The following PARP16 variants were observed in gnomAD, a reference collection of about 807,000 sequenced individuals.
The protein encoded by PARP16 is poly(ADP-ribose) polymerase family member 16.
PARP16 carries 31 observed loss-of-function variants against 35.0 expected under a neutral mutation model. The observed-to-expected ratio is 0.88, with a 90% CI of 0.66 to 1.19. The LOEUF is 1.19. Ranked by LOEUF, PARP16 falls within the 50% of genes most tolerant of loss-of-function variation. PARP16 has a pLI of 0.00. For missense variants in PARP16, 424 were observed against 411.2 expected, an observed-to-expected ratio of 1.03 and a Z score of -0.27; for synonymous variants, 162 against 169.5, an observed-to-expected ratio of 0.96 and a Z score of 0.34.
At chr15:65,279,058 C>A (rs889996109) in intron 1 of PARP16, among the ~76,000 whole-genome samples, 5 of 152,164 alleles carry the variant, frequency 3.3e-5, no homozygotes, top group Non-Finnish European at 7.3e-5. Context: ...CAAAAGAACT[C>A]TTCACAGGAG....
chr15:65,243,078 A>C (rs1242687323), intron 3 of PARP16, among the ~76,000 whole-genome samples: 1 of 152,160 alleles, frequency 6.6e-6, no homozygotes, highest in Non-Finnish European at 1.5e-5. Context: ...GTCATTTATA[A>C]ATAAAGACAG....
At chr15:65,285,747 A>G (rs1331799304) in intron 1 of PARP16, among the ~76,000 whole-genome samples, 1 of 152,198 alleles carries the variant, frequency 6.6e-6, no homozygotes, top group African/African-American at 2.4e-5. Flanking sequence ...TGAACTCTGC[A>G]AAAAAAGTGC....
At position 65,266,748 on chromosome 15, in the gene PARP16, C is replaced by A. The variant is rs748708106; in HGVS notation, c.333G>T (p.Leu111=). The change falls in exon 3 of 6, where the codon CTG becomes CTT. Residue 111 remains leucine (L), a synonymous_variant. Transcript: ENST00000649807. ...GAACAGGCGTGTGAGGAGCCCCAGT[C>A]AGCTTTTGGATCTTTTCAAACTTGA... is the stretch of plus-strand genomic sequence containing the variant. ...GKAEFEKIQK[L]TGAPHTPVPA... is the part of the protein sequence containing the mutation. 2.5e-6 allele frequency: 4 copies of A among 1,613,790 alleles called. No homozygotes were observed. The South Asian group carries it at 4.4e-5, about 18-fold the overall frequency.
rs560953076 is a variant in PARP16, at chr15:65,259,220, C to T, written c.*187G>A. The T allele has an allele frequency of 9.5e-5, 61 of 645,362 alleles. No homozygotes were observed. The highest frequency in any genetic ancestry group is 7.6e-4 in the African/African-American group (42 of 55,552). The allele number at this position is 645,362 out of a possible 1,614,324, so 40.0% of individuals were successfully genotyped here. A position where few individuals can be genotyped will look rare whatever the true frequency, so the allele number is the denominator to read the frequency against. ...CTAAGAGTGAGGGACTAGTAGTCCC[C>T]GTTGACTGGAGTATGGCTGGGAACA... is the stretch of plus-strand genomic sequence containing the variant. On this transcript the variant is annotated 3_prime_UTR_variant, in exon 6 of 6. Coordinates refer to ENST00000649807, the MANE Select transcript of PARP16 (RefSeq NM_001316943.2).
chr15:65,262,978 C>A (rs1197021725), intron 4 of PARP16, among the ~76,000 whole-genome samples, 171 bp downstream of exon 4: 1 of 152,124 alleles, frequency 6.6e-6, no homozygotes, highest in Non-Finnish European at 1.5e-5. Flanking sequence ...ATTGAGTGTT[C>A]AATCTCTAAG....
At chr15:65,266,859 A>G (rs1305221874) in intron 2 of PARP16, 91 bp from the exon 3 acceptor site, 2 of 874,290 alleles carry the variant, frequency 2.3e-6, no homozygotes, top group Non-Finnish European at 3.7e-6. Context: ...CTTAACTCCC[A>G]TGGACTCTGC....
intron 4 of PARP16, among the ~76,000 whole-genome samples, chr15:65,262,721 T>A (rs763013448): frequency 6.6e-6 from 1 of 152,134 alleles, no homozygotes. Flanking sequence ...ATCAAGTACA[T>A]ACCAAGGCTT....
At chr15:65,275,245 G>T (rs1382760553) in intron 1 of PARP16, among the ~76,000 whole-genome samples, 1 of 152,158 alleles carries the variant, frequency 6.6e-6, no homozygotes, top group African/African-American at 2.4e-5. Context: ...CACAGAGGAG[G>T]TACTGTATGA....
chr15:65,234,538 A>G (rs1183814721), exon 4 of PARP16: 1 of 152,226 alleles, frequency 6.6e-6, no homozygotes, highest in African/African-American at 2.4e-5. Context: ...GCTGCATAAC[A>G]TATCATATGT....
chr15:65,263,393 GTC>G, intron 3 of PARP16, 73 bp from the exon 4 acceptor site: 1 of 1,289,758 alleles, frequency 7.8e-7, no homozygotes. Flanking sequence ...GACGACACAG[GTC>G]TCTCTTCAAG....
At chr15:65,266,021 C>G (rs920533361) in intron 3 of PARP16, among the ~76,000 whole-genome samples, 4 of 152,138 alleles carry the variant, frequency 2.6e-5, no homozygotes, top group African/African-American at 9.7e-5. Context: ...CTCTGCCTCC[C>G]AGGTTCAAGC....
intron 3 of PARP16, among the ~76,000 whole-genome samples, chr15:65,240,187 AG>A (rs1452943683): frequency 2.0e-5 from 3 of 151,040 alleles, no homozygotes; most frequent in Non-Finnish European, 4.4e-5. Flanking sequence ...TCTGTCGCCC[AG>A]GCTGGAGAGC....
chr15:65,247,132 C>T lies in PARP16; in HGVS notation c.*97+985G>A, dbSNP rs111422675. On this transcript the variant is annotated intron_variant and NMD_transcript_variant, in intron 3 of 3. Coordinates refer to the PARP16 transcript ENST00000559805. The stretch of plus-strand genomic sequence containing the variant: ...TAGCCTCCTGAGTAGCCAGGACTAT[C>T]GGCACAGGTCATCAAGCTGGGCTAA... Among the ~76,000 whole-genome samples the T allele has an allele frequency of 9.0e-3, 1,365 of 152,052 alleles. 6 individuals carry two copies. The highest frequency in any genetic ancestry group is 0.014 in the Non-Finnish European group (939 of 67,972).
Position 65,286,561 on chromosome 15 carries a change from A to T in PARP16, c.-135T>A, listed in dbSNP as rs1435411447. 1 of 606,334 alleles carries T rather than the reference A, an allele frequency of 1.6e-6. No homozygotes were observed. Among genetic ancestry groups the T allele is most frequent in the Non-Finnish European group, 2.7e-6 (1 of 371,776 alleles). 37.6% of individuals were successfully genotyped at this position (606,334 alleles called of 1,614,324 possible). A position where few individuals can be genotyped will look rare whatever the true frequency, so the allele number is the denominator to read the frequency against. On this transcript the variant is annotated 5_prime_UTR_variant, in exon 1 of 6. Coordinates refer to ENST00000649807, the MANE Select transcript of PARP16 (RefSeq NM_001316943.2). ...TCCCAAGCCTGGGGTGGAGCTAGGC[A>T]GGGGGCTGAGATGACAGGGGTGAGA... is the stretch of plus-strand genomic sequence containing the variant.
exon 4 of PARP16, chr15:65,234,543 A>G (rs914973337): frequency 2.0e-5 from 3 of 152,200 alleles, no homozygotes; most frequent in African/African-American, 7.2e-5. Context: ...ATAACATATC[A>G]TATGTAAACT....
At chr15:65,254,387 C>T (rs773165245), downstream of PARP16, among the ~76,000 whole-genome samples, 1 of 152,308 alleles carries the variant, frequency 6.6e-6, no homozygotes, top group Non-Finnish European at 1.5e-5. Flanking sequence ...GGGGCTTATT[C>T]TAACCAGATC....
At chr15:65,248,613 C>G (rs2089275405) in intron 2 of PARP16, among the ~76,000 whole-genome samples, 1 of 152,186 alleles carries the variant, frequency 6.6e-6, no homozygotes, top group African/African-American at 2.4e-5. Context: ...CCACCCTGAT[C>G]TGCTCAGCTA....
chr15:65,259,310 C>A lies in PARP16; in HGVS notation c.*97G>T. The A allele has an allele frequency of 7.7e-7, 1 of 1,292,796 alleles. No individual in the cohort carries two copies. The highest frequency in any genetic ancestry group is 1.1e-6 in the Non-Finnish European group (1 of 907,094). 80.1% of individuals were successfully genotyped at this position (1,292,796 alleles called of 1,614,324 possible). On this transcript the variant is annotated 3_prime_UTR_variant, in exon 6 of 6. Transcript: ENST00000649807. ...TGTCCTGTGGTCCCCCAACTGGCCCCTAGGCTCAACCTGGCTGGACATGAG... is the reference window on the plus strand; with the variant it reads ...TGTCCTGTGGTCCCCCAACTGGCCCATAGGCTCAACCTGGCTGGACATGAG...
intron 1 of PARP16, 122 bp from the exon 2 acceptor site, chr15:65,271,194 A>G: frequency 1.2e-6 from 1 of 843,932 alleles, no homozygotes; most frequent in South Asian, 1.5e-5. Flanking sequence ...CCTGAGAGGA[A>G]ATTCACAGGT....
Sources: gnomAD v4.1 joint callset for allele counts (sites outside exome capture counted in the v4.1 genomes callset) on GRCh38, gnomAD v4.1.1 for gene constraint, MANE v1.5 for transcripts, NCBI Gene and HGNC (gene_info 2026-07-23, HGNC 2026-07-21) for gene names.